Variants in SLC30A9 observed in about 807,000 individuals in gnomAD.
SLC30A9 encodes the protein solute carrier family 30 member 9.
In SLC30A9, 58 loss-of-function variants were observed where a neutral mutation model predicts 87.5. That is an observed-to-expected ratio of 0.66 (90% CI 0.54 to 0.82). The LOEUF is 0.82. Ranked by LOEUF, SLC30A9 falls within the 40% of genes least tolerant of loss-of-function variation. The pLI is 0.00. For missense variants in SLC30A9, 557 were observed against 679.1 expected, an observed-to-expected ratio of 0.82 and a Z score of 2.00; for synonymous variants, 234 against 233.0, an observed-to-expected ratio of 1.00 and a Z score of -0.04.
intron 2 of SLC30A9, among the ~76,000 whole-genome samples, chr4:42,002,659 C>T (rs1195010046): frequency 1.3e-5 from 2 of 152,082 alleles, no homozygotes; most frequent in African/African-American, 4.8e-5. Context: ...ACCATATTTA[C>T]TTTATCCAGT....
intron 4 of SLC30A9, 67 bp from the exon 5 acceptor site, chr4:42,022,771 A>G: frequency 1.2e-6 from 1 of 836,114 alleles, no homozygotes; most frequent in Non-Finnish European, 1.9e-6. Context: ...TGCCCTTAGT[A>G]ATCCTCTTTA....
At chr4:42,003,993 G>A (rs929095704) in intron 2 of SLC30A9, among the ~76,000 whole-genome samples, 1 of 152,116 alleles carries the variant, frequency 6.6e-6, no homozygotes, top group African/African-American at 2.4e-5. Flanking sequence ...CTGCTATAAA[G>A]TATGCATTGT....
chr4:42,050,620 G>A (rs1486491484), intron 9 of SLC30A9, among the ~76,000 whole-genome samples: 1 of 152,160 alleles, frequency 6.6e-6, no homozygotes, highest in Non-Finnish European at 1.5e-5. Flanking sequence ...GATAAATTGA[G>A]TAAAAAATCA....
rs140461608 is a variant in SLC30A9, at chr4:42,065,722, T to G, written c.1072+373T>G. On this transcript the variant is annotated intron_variant, in intron 12 of 17. Transcript: ENST00000264451. Reference sequence around the variant, plus strand: ...CATATTTGTGGTTATTTTTAAACTATGTGGTGGTAAGAGGTGTTCCTTACA... The same window carrying G: ...CATATTTGTGGTTATTTTTAAACTAGGTGGTGGTAAGAGGTGTTCCTTACA... Among the ~76,000 whole-genome samples, 637 of 152,356 alleles carry G rather than the reference T, an allele frequency of 4.2e-3. 6 individuals carry two copies. The highest frequency in any genetic ancestry group is 0.014 in the African/African-American group (593 of 41,582).
intron 9 of SLC30A9, among the ~76,000 whole-genome samples, chr4:42,051,965 T>A (rs1577709605): frequency 6.6e-6 from 1 of 150,484 alleles, no homozygotes; most frequent in Non-Finnish European, 1.5e-5. Context: ...CCTTAAAATA[T>A]AATCAGATTT....
At chr4:42,059,535 C>A (rs1717760299) in intron 9 of SLC30A9, among the ~76,000 whole-genome samples, 2 of 152,088 alleles carry the variant, frequency 1.3e-5, no homozygotes, top group Admixed American at 6.5e-5. Context: ...TATATAATTC[C>A]TGTGCATGGT....
intron 6 of SLC30A9, among the ~76,000 whole-genome samples, chr4:42,028,672 C>T (rs1018947428): frequency 6.6e-6 from 1 of 152,180 alleles, no homozygotes; most frequent in Non-Finnish European, 1.5e-5. Flanking sequence ...TGCTGTTGAA[C>T]CAATAGTATC....
At chr4:42,039,555 C>T (rs977372083) in intron 8 of SLC30A9, among the ~76,000 whole-genome samples, 12 of 151,790 alleles carry the variant, frequency 7.9e-5, no homozygotes, top group Middle Eastern at 3.4e-3. Context: ...CTCTGCCTCC[C>T]GGGTTCAAGC....
chr4:42,015,159 A>G (rs189055500), intron 2 of SLC30A9, among the ~76,000 whole-genome samples: 6 of 152,306 alleles, frequency 3.9e-5, no homozygotes, highest in East Asian at 1.9e-4. Context: ...AAAATACCTC[A>G]TGTACCCCAT....
chr4:41,993,170 A>C (rs1714529075), intron 1 of SLC30A9, among the ~76,000 whole-genome samples: 1 of 150,400 alleles, frequency 6.6e-6, no homozygotes, highest in African/African-American at 2.4e-5. Flanking sequence ...AACGAAATTT[A>C]TATATTTTAA....
rs1718938079 is a variant in SLC30A9, at chr4:42,086,778, TG to T, written c.*653del. 2 of 152,666 alleles carry T rather than the reference TG, an allele frequency of 1.3e-5. No homozygotes were observed. The highest frequency in any genetic ancestry group is 1.3e-4 in the Admixed American group (2 of 15,288). 9.5% of individuals were successfully genotyped at this position (152,666 alleles called of 1,614,324 possible). ...GTACACTCTTTTAGGTCATAGTAGTTGCCATTTTGTAAAATTTCTTTTTTCT... is the reference window on the plus strand; with the variant it reads ...GTACACTCTTTTAGGTCATAGTAGTTCCATTTTGTAAAATTTCTTTTTTCT... On this transcript the variant is annotated 3_prime_UTR_variant, in exon 18 of 18. Coordinates refer to ENST00000264451, the MANE Select transcript of SLC30A9 (RefSeq NM_006345.4).
chr4:42,063,246 G>T (rs1247798182), intron 11 of SLC30A9, 125 bp downstream of exon 11: 2 of 757,424 alleles, frequency 2.6e-6, no homozygotes, highest in Non-Finnish European at 4.1e-6. Context: ...TGTATTGTAG[G>T]GTTATATATC....
intron 8 of SLC30A9, among the ~76,000 whole-genome samples, chr4:42,046,776 G>C (rs1229455149): frequency 6.6e-6 from 1 of 152,148 alleles, no homozygotes; most frequent in Non-Finnish European, 1.5e-5. Flanking sequence ...GTATAGCCAA[G>C]ATAATCCTAA....
chr4:42,013,009 A>G (rs1715518664), intron 2 of SLC30A9, among the ~76,000 whole-genome samples: 1 of 152,214 alleles, frequency 6.6e-6, no homozygotes, highest in Admixed American at 6.5e-5. Context: ...AACCAGGCTC[A>G]GTGACTCAGG....
chr4:42,020,025 C>G (rs929173769), intron 3 of SLC30A9, among the ~76,000 whole-genome samples: 2 of 152,062 alleles, frequency 1.3e-5, no homozygotes, highest in African/African-American at 2.4e-5. Flanking sequence ...GTCTCAAACT[C>G]TTGACCTCAA....
At chr4:42,081,883 T>G (rs979654591) in intron 17 of SLC30A9, among the ~76,000 whole-genome samples, 18 of 152,204 alleles carry the variant, frequency 1.2e-4, no homozygotes, top group African/African-American at 4.3e-4. Context: ...AAGGTAAGTA[T>G]AATCCATACA....
rs748871230 is a variant in SLC30A9 at position 42,067,097 on chromosome 4, G to A, written c.1157G>A (p.Arg386His). ...CCCCAATGACTAGTAATGGAAAGTC[G>A]TGATCCTAGTACAAATGTGATATTA... ...MSFYKYVMES[R>H]DPSTNVILLE... Residue 386 changes from arginine (R) to histidine (H), a missense_variant, in exon 14 of 18, where the codon CGT becomes CAT. Physicochemically the swap from Arg to His is conservative, Grantham distance 29 (BLOSUM62 0). Coordinates refer to ENST00000264451, the MANE Select transcript of SLC30A9 (RefSeq NM_006345.4). 8.1e-6 allele frequency: 13 copies of A among 1,608,946 alleles called. No homozygotes were observed. The highest frequency in any genetic ancestry group is 2.2e-5 in the South Asian group (2 of 90,908).
At chr4:42,027,096 T>C (rs372585436) in intron 6 of SLC30A9, among the ~76,000 whole-genome samples, 1 of 152,000 alleles carries the variant, frequency 6.6e-6, no homozygotes, top group East Asian at 1.9e-4. Context: ...GTAGCCAGAG[T>C]TGGCTAACTA....
chr4:42,003,373 T>C (rs1251548424), intron 2 of SLC30A9, among the ~76,000 whole-genome samples: 6 of 152,176 alleles, frequency 3.9e-5, no homozygotes, highest in Non-Finnish European at 8.8e-5. Flanking sequence ...GTTTTAAAAA[T>C]TCATTATTAC....
Sources: gnomAD v4.1 joint callset for allele counts (sites outside exome capture counted in the v4.1 genomes callset) on GRCh38, gnomAD v4.1.1 for gene constraint, MANE v1.5 for transcripts, NCBI Gene and HGNC (gene_info 2026-07-23, HGNC 2026-07-21) for gene names.